CBFA2T2: variants seen among roughly 807,000 people sequenced by gnomAD.
CBFA2T2 encodes the protein protein CBFA2T2.
In CBFA2T2, 11 loss-of-function variants were observed where a neutral mutation model predicts 62.2. The ratio of observed to expected loss-of-function variants is 0.18; its 90% CI spans 0.11 to 0.29. CBFA2T2 has a LOEUF of 0.29. Among genes scored for constraint, CBFA2T2 ranks in the 10% least tolerant of loss-of-function variants. The probability of loss-of-function intolerance (pLI) is 1.00; values close to 1 mark genes in which losing one functional copy is unlikely to be tolerated. For synonymous variants in CBFA2T2, 295 were observed against 287.5 expected (o/e 1.03, Z -0.27); for missense variants, 592 against 774.1 (o/e 0.76, Z 2.79).
chr20:33,524,136 A>T (rs1313237008), intron 1 of CBFA2T2, among the ~76,000 whole-genome samples: 1 of 151,802 alleles, frequency 6.6e-6, no homozygotes, highest in Non-Finnish European at 1.5e-5. Context: ...TACAGGTTTT[A>T]AAATTATTAT....
chr20:33,523,101 A>G (rs2011779807), intron 1 of CBFA2T2, among the ~76,000 whole-genome samples: 4 of 152,168 alleles, frequency 2.6e-5, no homozygotes, highest in African/African-American at 7.2e-5. Context: ...ATAGATACGC[A>G]TTGTAGATTC....
intron 1 of CBFA2T2, among the ~76,000 whole-genome samples, chr20:33,523,313 T>C (rs1211355853): frequency 6.6e-6 from 1 of 152,192 alleles, no homozygotes; most frequent in Non-Finnish European, 1.5e-5. Flanking sequence ...ACAGTCTTGC[T>C]GTGTTGCCCA....
chr20:33,582,479 ACT>A (rs778323398), intron 1 of CBFA2T2, among the ~76,000 whole-genome samples: 2 of 147,626 alleles, frequency 1.4e-5, no homozygotes, highest in Non-Finnish European at 3.0e-5. Flanking sequence ...CAAGAGCGAA[ACT>A]CTATCTCAAA....
chr20:33,549,051 C>T (rs2012658466), intron 1 of CBFA2T2, among the ~76,000 whole-genome samples: 2 of 152,106 alleles, frequency 1.3e-5, no homozygotes, highest in Admixed American at 6.6e-5. Context: ...AAAGTGAAAC[C>T]ACGGGAGTTC....
rs1183371343 is a variant in CBFA2T2 at position 33,600,182 on chromosome 20, G to GTTTTTTTTT, written c.35-6753_35-6745dup. 5.2e-4 allele frequency among the ~76,000 whole-genome samples: 32 copies of GTTTTTTTTT among 62,066 alleles called. 1 individual carries two copies. Among genetic ancestry groups the GTTTTTTTTT allele is most frequent in the African/African-American group, 1.1e-3 (17 of 15,378 alleles). The allele number at this position is 62,066 out of a possible 152,430, so 40.7% of individuals were successfully genotyped here. ...AAGTTAGAATTATCACTTTTGGAAA[G>GTTTTTTTTT]TTTTTTTTTTTTTTTTTTTTTTTTT... On this transcript the variant is annotated intron_variant, in intron 1 of 10. Coordinates refer to ENST00000342704, the MANE Select transcript of CBFA2T2 (RefSeq NM_001032999.3).
chr20:33,603,192 A>G (rs1328207198), intron 1 of CBFA2T2, among the ~76,000 whole-genome samples: 3 of 152,248 alleles, frequency 2.0e-5, no homozygotes, highest in Non-Finnish European at 4.4e-5. Flanking sequence ...GTGGAGCTAC[A>G]GGATAGTTCT....
intron 9 of CBFA2T2, among the ~76,000 whole-genome samples, chr20:33,637,080 C>A (rs528446594): frequency 6.6e-6 from 1 of 152,278 alleles, no homozygotes; most frequent in Non-Finnish European, 1.5e-5. Flanking sequence ...ACATTTGTGC[C>A]CAAATTCTGC....
intron 1 of CBFA2T2, among the ~76,000 whole-genome samples, chr20:33,538,297 C>T (rs1220554942): frequency 1.3e-5 from 2 of 151,852 alleles, no homozygotes; most frequent in Non-Finnish European, 2.9e-5. Context: ...GTGTATTGAT[C>T]TTGTATCCTG....
intron 8 of CBFA2T2, among the ~76,000 whole-genome samples, chr20:33,631,718 A>G (rs2016458817): frequency 6.6e-6 from 1 of 152,200 alleles, no homozygotes; most frequent in South Asian, 2.1e-4. Flanking sequence ...GTTAATAGTT[A>G]TTACTAGCAT....
At chr20:33,596,410 T>A (rs545802107) in intron 1 of CBFA2T2, among the ~76,000 whole-genome samples, 12 of 152,250 alleles carry the variant, frequency 7.9e-5, no homozygotes, top group Admixed American at 2.6e-4. Context: ...TAATCACTGG[T>A]CTAATCATTA....
intron 1 of CBFA2T2, among the ~76,000 whole-genome samples, chr20:33,543,062 G>GC (rs2012448135): frequency 1.3e-5 from 2 of 151,994 alleles, no homozygotes; most frequent in Non-Finnish European, 2.9e-5. Context: ...CGCCCAGGCT[G>GC]GAGTGCAGTG....
At chr20:33,623,495 C>G (rs1282421799) in intron 5 of CBFA2T2, among the ~76,000 whole-genome samples, 199 bp downstream of exon 5, 2 of 152,202 alleles carry the variant, frequency 1.3e-5, no homozygotes, top group Non-Finnish European at 2.9e-5. Context: ...TGGGCTCAAG[C>G]GATCCTCTCA....
chr20:33,628,914 A>G (rs1254720670), intron 7 of CBFA2T2, among the ~76,000 whole-genome samples: 1 of 152,214 alleles, frequency 6.6e-6, no homozygotes, highest in Non-Finnish European at 1.5e-5. Context: ...AATCTTTGTG[A>G]TGGGATGATC....
At chr20:33,531,032 G>T in intron 1 of CBFA2T2, among the ~76,000 whole-genome samples, 1 of 152,088 alleles carries the variant, frequency 6.6e-6, no homozygotes, top group South Asian at 2.1e-4. Flanking sequence ...GCAGTGAGCC[G>T]AGATCACGCC....
At chr20:33,539,217 T>A (rs2146876646) in intron 1 of CBFA2T2, among the ~76,000 whole-genome samples, 1 of 152,274 alleles carries the variant, frequency 6.6e-6, no homozygotes, top group Admixed American at 6.5e-5. Context: ...AGGAAGAGAG[T>A]AACACAAGAA....
intron 1 of CBFA2T2, among the ~76,000 whole-genome samples, chr20:33,494,241 GTGTA>G (rs139819682): frequency 0.081 from 3,404 of 41,812 alleles, 492 homozygotes; most frequent in East Asian, 0.16. Flanking sequence ...GCATATATAT[GTGTA>G]TATATATATA....
intron 1 of CBFA2T2, among the ~76,000 whole-genome samples, chr20:33,526,003 GA>G (rs1453511177): frequency 1.3e-5 from 2 of 151,914 alleles, no homozygotes; most frequent in African/African-American, 4.8e-5. Flanking sequence ...TTTTATTGGT[GA>G]TTGGCCTTCA....
At chr20:33,612,743 C>G (rs560031985) in intron 3 of CBFA2T2, among the ~76,000 whole-genome samples, 1 of 152,026 alleles carries the variant, frequency 6.6e-6, no homozygotes, top group Non-Finnish European at 1.5e-5. Flanking sequence ...AAATGTAATC[C>G]ATATAAATTA....
At chr20:33,587,359 T>C (rs531135806) in intron 1 of CBFA2T2, among the ~76,000 whole-genome samples, 50 of 152,122 alleles carry the variant, frequency 3.3e-4, no homozygotes, top group African/African-American at 1.2e-3. Flanking sequence ...CTGTGCCTCC[T>C]GGGTTCAAGT....
Sources: gnomAD v4.1 joint callset for allele counts (sites outside exome capture counted in the v4.1 genomes callset) on GRCh38, gnomAD v4.1.1 for gene constraint, MANE v1.5 for transcripts, NCBI Gene and HGNC (gene_info 2026-07-23, HGNC 2026-07-21) for gene names.